PRDM16: variants seen among roughly 807,000 people sequenced by gnomAD.
The protein encoded by PRDM16 is histone-lysine N-methyltransferase PRDM16.
In PRDM16, 23 loss-of-function variants were observed where a neutral mutation model predicts 110.6. That is an observed-to-expected ratio of 0.21 (90% CI 0.15 to 0.29). The LOEUF is 0.29. Ranked by LOEUF, PRDM16 falls within the 10% of genes least tolerant of loss-of-function variation. PRDM16 has a pLI of 1.00. For missense variants in PRDM16, 1,615 were observed against 1,794.3 expected, an observed-to-expected ratio of 0.90 and a Z score of 1.81; for synonymous variants, 799 against 781.8, an observed-to-expected ratio of 1.02 and a Z score of -0.37.
intron 2 of PRDM16, among the ~76,000 whole-genome samples, chr1:3,192,089 C>G (rs1638326027): frequency 6.6e-6 from 1 of 152,232 alleles, no homozygotes; most frequent in Admixed American, 6.5e-5. Context: ...TTCTCCCTTC[C>G]TCCTGAATGT....
intron 4 of PRDM16, among the ~76,000 whole-genome samples, chr1:3,393,863 C>T (rs904943724): frequency 3.9e-5 from 6 of 152,240 alleles, no homozygotes; most frequent in Non-Finnish European, 8.8e-5. Flanking sequence ...CCCGCCCCGC[C>T]CCGCCTCGGG....
chr1:3,165,572 G>C (rs185754234), intron 1 of PRDM16, among the ~76,000 whole-genome samples: 3,175 of 74,884 alleles, frequency 0.042, 246 homozygotes, highest in Middle Eastern at 0.053. Context: ...AGGGCTCAGG[G>C]ACAGGGACTC....
intron 5 of PRDM16, among the ~76,000 whole-genome samples, chr1:3,398,795 C>T (rs12144338): frequency 0.3 from 45,014 of 152,142 alleles, 7,159 homozygotes; most frequent in Non-Finnish European, 0.35. Context: ...TGCTGTACCG[C>T]GGCCCACGCA....
intron 1 of PRDM16, among the ~76,000 whole-genome samples, chr1:3,126,047 G>C (rs536060640): frequency 2.6e-5 from 4 of 152,330 alleles, no homozygotes; most frequent in African/African-American, 9.6e-5. Context: ...TGCATTGATC[G>C]GGCTGGCTCG....
Position 3,412,494 on chromosome 1 carries a change from G to C in PRDM16, c.2297G>C (p.Gly766Ala), listed in dbSNP as rs778681326. ...CCCCGGGACGCCCTCAAGGTGGGCG[G>C]CCCCAGTGCCGAGTGCCCCTTTGAT... The part of the protein sequence containing the change: ...KSPRDALKVG[G>A]PSAECPFDLT... The change falls in exon 9 of 17, where the codon GGC (glycine) becomes GCC (alanine). Residue 766 changes from glycine to alanine, a missense_variant. Physicochemically the swap from Gly to Ala is moderately conservative, Grantham distance 60. Transcript: ENST00000270722. 7 of 1,613,282 alleles carry C rather than the reference G, an allele frequency of 4.3e-6. No individual in the cohort carries two copies. The highest frequency in any genetic ancestry group is 1.6e-4 in the Middle Eastern group (1 of 6,062).
At chr1:3,249,257 T>G (rs1254176316) in intron 3 of PRDM16, among the ~76,000 whole-genome samples, 1 of 151,916 alleles carries the variant, frequency 6.6e-6, no homozygotes, top group Non-Finnish European at 1.5e-5. Context: ...GGGATGTGGT[T>G]GGAGAGATGG....
rs191571692 is a variant in PRDM16, at chr1:3,286,362, C to T, written c.438+42225C>T. On this transcript the variant is annotated intron_variant, in intron 3 of 16. Transcript: ENST00000270722. ...ACAGCGTCCCCACAGCCCGAAGGGC[C>T]GCCCCCTGCCTGGCAGAGCCCCAGG... Among the ~76,000 whole-genome samples, 1,176 of 152,336 alleles carry T rather than the reference C, an allele frequency of 7.7e-3. 20 individuals are homozygous for T. The highest frequency in any genetic ancestry group is 0.027 in the African/African-American group (1,112 of 41,586).
chr1:3,331,823 G>A (rs529589098), intron 3 of PRDM16, among the ~76,000 whole-genome samples: 166 of 152,348 alleles, frequency 1.1e-3, no homozygotes, highest in African/African-American at 3.8e-3. Flanking sequence ...TGGAATGGCT[G>A]TGAGCTGTGG....
intron 3 of PRDM16, among the ~76,000 whole-genome samples, chr1:3,299,704 G>C (rs562096039): frequency 1.6e-5 from 2 of 125,676 alleles, no homozygotes; most frequent in South Asian, 6.1e-4. Context: ...CTCTGCCCTT[G>C]TTGAAGATGC....
At chr1:3,072,477 G>T (rs1487544863) in intron 1 of PRDM16, among the ~76,000 whole-genome samples, 1 of 152,234 alleles carries the variant, frequency 6.6e-6, no homozygotes, top group Admixed American at 6.5e-5. Context: ...CCTGGGGTGG[G>T]GGAGCTGCAG....
intron 3 of PRDM16, among the ~76,000 whole-genome samples, chr1:3,300,743 A>T (rs1483950883): frequency 6.6e-6 from 1 of 152,096 alleles, no homozygotes; most frequent in Non-Finnish European, 1.5e-5. Context: ...ACCTTGTACC[A>T]TCCCCCCGAA....
At chr1:3,199,340 G>A (rs768948605) in intron 2 of PRDM16, among the ~76,000 whole-genome samples, 8 of 152,214 alleles carry the variant, frequency 5.3e-5, no homozygotes, top group Non-Finnish European at 1.0e-4. Flanking sequence ...TGAAAACAAC[G>A]AGCCAGGCTG....
chr1:3,338,481 G>A (rs899059812), intron 3 of PRDM16, among the ~76,000 whole-genome samples: 1 of 152,238 alleles, frequency 6.6e-6, no homozygotes, highest in African/African-American at 2.4e-5. Flanking sequence ...CTTCCAACCC[G>A]ACTTCCTCAT....
Position 3,201,548 on chromosome 1 carries a change from GGACAGGAGGGCCACCCGGGGCA to G in PRDM16, c.387+15076_387+15097del, listed in dbSNP as rs1352713949. ...TCAGGAATGATGTCAGCTGTGGGGA[GGACAGGAGGGCCACCCGGGGCA>G]GCTGCCCTCTGAGGGACTTTTTGCC... On this transcript the variant is annotated intron_variant, in intron 2 of 16. Transcript: ENST00000270722. This position sits in a 1 kb window ranked among gnomAD's most constrained non-coding sequence, Gnocchi z 4.1. 6.6e-6 allele frequency among the ~76,000 whole-genome samples: 1 copy of G among 152,208 alleles called. No individual in the cohort carries two copies. The highest frequency in any genetic ancestry group is 2.4e-5 in the African/African-American group (1 of 41,464).
intron 3 of PRDM16, among the ~76,000 whole-genome samples, chr1:3,322,190 A>G (rs1303131316): frequency 7.1e-6 from 1 of 141,388 alleles, no homozygotes; most frequent in African/African-American, 2.7e-5. Flanking sequence ...TGTGTGTGTG[A>G]GAGTGGGTGT....
At chr1:3,266,147 G>A in intron 3 of PRDM16, among the ~76,000 whole-genome samples, 1 of 152,210 alleles carries the variant, frequency 6.6e-6, no homozygotes, top group East Asian at 1.9e-4. Flanking sequence ...AAAATGTGCT[G>A]CTTCAGAAGT....
At chr1:3,305,559 T>C (rs527929605) in intron 3 of PRDM16, among the ~76,000 whole-genome samples, 110 of 152,382 alleles carry the variant, frequency 7.2e-4, no homozygotes, top group Middle Eastern at 3.4e-3. Flanking sequence ...TGATGTTGGC[T>C]GAAACTTGTT....
In PRDM16 at chr1:3,076,548, G is replaced by A. The variant is rs566601694; in HGVS notation, c.37+7252G>A. Among the ~76,000 whole-genome samples, 40 of 152,294 alleles carry A rather than the reference G, an allele frequency of 2.6e-4. No homozygotes were observed. In the South Asian group the frequency reaches 4.6e-3, roughly 17 times the overall value. ...GGCTCAGCCTCTGTCTGCTCTCAGCGTCCCCGGGCAGAAGCACTGGAGCCT... is the reference window on the plus strand; with the variant it reads ...GGCTCAGCCTCTGTCTGCTCTCAGCATCCCCGGGCAGAAGCACTGGAGCCT... On this transcript the variant is annotated intron_variant, in intron 1 of 16. Coordinates refer to ENST00000270722, the MANE Select transcript of PRDM16 (RefSeq NM_022114.4).
intron 4 of PRDM16, 62 bp from the exon 5 acceptor site, chr1:3,396,429 G>A (rs1268196923): frequency 1.1e-6 from 1 of 925,654 alleles, no homozygotes; most frequent in Admixed American, 2.0e-5. Flanking sequence ...AGTGTGCACT[G>A]AGAGGCTCTC....
Sources: gnomAD v4.1 joint callset for allele counts (sites outside exome capture counted in the v4.1 genomes callset) on GRCh38, gnomAD v4.1.1 for gene constraint, Gnocchi (gnomAD v3.1) non-coding constraint, MANE v1.5 for transcripts, NCBI Gene and HGNC (gene_info 2026-07-23, HGNC 2026-07-21) for gene names.